The following ASNS variants were observed in gnomAD, a reference collection of about 807,000 sequenced individuals.
ASNS encodes asparagine synthetase [glutamine-hydrolyzing].
In ASNS, 37 loss-of-function variants were observed where a neutral mutation model predicts 62.6. The observed-to-expected ratio is 0.59, with a 90% CI of 0.45 to 0.78. The LOEUF is 0.78. Among genes scored for constraint, ASNS ranks in the 30% least tolerant of loss-of-function variants. The pLI is 0.00. For missense variants in ASNS, 520 were observed against 682.4 expected (o/e 0.76, Z 2.65); for synonymous variants, 207 against 237.9 (o/e 0.87, Z 1.19).
rs751859211 is a variant in ASNS, at chr7:97,852,216, A to G, written c.*43T>C. On this transcript the variant is annotated 3_prime_UTR_variant, in exon 13 of 13. Transcript: ENST00000394308. Reference sequence around the variant, plus strand: ...CCTATCTACCCACAGTCCCCATCCAACACGAAGAAATATTTGCTTTCACAT... The same window carrying G: ...CCTATCTACCCACAGTCCCCATCCAGCACGAAGAAATATTTGCTTTCACAT... 4 of 1,601,728 alleles carry G rather than the reference A, an allele frequency of 2.5e-6. No homozygotes were observed. In the African/African-American group the frequency reaches 5.4e-5, roughly 21 times the overall value.
the ASNS span, among the ~76,000 whole-genome samples, chr7:97,881,081 C>T: frequency 2.9e-3 from 445 of 152,312 alleles, 3 homozygotes; most frequent in African/African-American, 0.01. Context: ...GCTGGGGTTA[C>T]AGGTGTGCAC....
chr7:97,912,013 A>G, the ASNS span, among the ~76,000 whole-genome samples: 2 of 152,192 alleles, frequency 1.3e-5, no homozygotes, highest in Non-Finnish European at 2.9e-5. Flanking sequence ...AAATGCATTC[A>G]TCTCTTGGAG....
rs1189414511 is a variant in ASNS, at chr7:97,872,387, A to AG, written c.-97dup. 1 of 151,174 alleles carries AG rather than the reference A, an allele frequency of 6.6e-6. No homozygotes were observed. The highest frequency in any genetic ancestry group is 1.5e-5 in the Non-Finnish European group (1 of 68,352). The allele number at this position is 151,174 out of a possible 1,614,324, so 9.4% of individuals were successfully genotyped here. ...CAGGTCAGGGTGATGTGGCGGGCTG[A>AG]GGCCAGGGATGTGGACAGCTTGACG... On this transcript the variant is annotated 5_prime_UTR_variant, in exon 1 of 13. Transcript: ENST00000394308.
At position 97,869,250 on chromosome 7, in the gene ASNS, C is replaced by T. The variant is rs564387233; in HGVS notation, c.-23-71G>A. 226 of 1,511,210 alleles carry T rather than the reference C, an allele frequency of 1.5e-4. 1 individual carries two copies. The South Asian group carries it at 2.5e-3, about 17-fold the overall frequency. The allele number at this position is 1,511,210 out of a possible 1,614,324, so 93.6% of individuals were successfully genotyped here. A position where few individuals can be genotyped will look rare whatever the true frequency, so the allele number is the denominator to read the frequency against. ...CCAACTCTGCATTAAATCTTGATTCCGGAAACGTGCATAAACCACTTCAAA... is the reference window on the plus strand; with the variant it reads ...CCAACTCTGCATTAAATCTTGATTCTGGAAACGTGCATAAACCACTTCAAA... On this transcript the variant is annotated intron_variant, in intron 2 of 12. Transcript: ENST00000394308.
rs1791972795 is a variant in ASNS at position 97,866,403 on chromosome 7, A to G, written c.250-1907T>C. Among the ~76,000 whole-genome samples, 5 of 152,170 alleles carry G rather than the reference A, an allele frequency of 3.3e-5. No individual in the cohort carries two copies. The South Asian group carries it at 1.0e-3, about 32-fold the overall frequency. ...ATAGATAAAATGACGGTGGCGCTTT[A>G]TTAGTCTGCATTCCCCAAAAGAACA... On this transcript the variant is annotated intron_variant, in intron 3 of 12. Transcript: ENST00000394308.
the ASNS span, among the ~76,000 whole-genome samples, chr7:97,905,461 C>T: frequency 6.6e-6 from 1 of 152,218 alleles, no homozygotes; most frequent in African/African-American, 2.4e-5. Context: ...CTAGGGTAGA[C>T]TTCACTTCTG....
chr7:97,914,756 GT>G, the ASNS span, among the ~76,000 whole-genome samples: 1 of 152,188 alleles, frequency 6.6e-6, no homozygotes, highest in African/African-American at 2.4e-5. Context: ...TGCACATTAG[GT>G]ATCTCACCTT....
intron 3 of ASNS, 32 bp downstream of exon 3, chr7:97,868,876 C>T (rs779249230): frequency 3.1e-6 from 5 of 1,607,522 alleles, no homozygotes; most frequent in African/African-American, 2.7e-5. Context: ...GAAGTTTAAT[C>T]GCATCCAGAC....
At position 97,868,903 on chromosome 7, in the gene ASNS, C is replaced by T. The variant is rs1385465461; in HGVS notation, c.249+5G>A. ...CATCCAGACATCTGGTTTCTTTCTCCTCACCTTCTTATGGTTGTAGATTTC... is the reference window on the plus strand; with the variant it reads ...CATCCAGACATCTGGTTTCTTTCTCTTCACCTTCTTATGGTTGTAGATTTC... On this transcript the variant is annotated splice_donor_5th_base_variant and intron_variant, in intron 3 of 12. Transcript: ENST00000394308. 6.2e-7 allele frequency: 1 copy of T among 1,612,966 alleles called. No individual in the cohort carries two copies. The highest frequency in any genetic ancestry group is 8.5e-7 in the Non-Finnish European group (1 of 1,179,560).
At chr7:97,874,255 T>G (rs1792392288), upstream of ASNS, among the ~76,000 whole-genome samples, 1 of 152,248 alleles carries the variant, frequency 6.6e-6, no homozygotes, top group Admixed American at 6.5e-5. Flanking sequence ...GGTTCTGTTC[T>G]GCCTGGCTCA....
the ASNS span, among the ~76,000 whole-genome samples, chr7:97,925,420 T>C: frequency 6.6e-6 from 1 of 152,132 alleles, no homozygotes; most frequent in African/African-American, 2.4e-5. Flanking sequence ...ACCACTCCCT[T>C]GCTCCATGAC....
chr7:97,913,446 G>C, the ASNS span, among the ~76,000 whole-genome samples: 1 of 152,070 alleles, frequency 6.6e-6, no homozygotes, highest in Non-Finnish European at 1.5e-5. Flanking sequence ...TGTCACTATT[G>C]GTTAAAACAT....
chr7:97,853,334 A>G lies in ASNS; in HGVS notation c.1291T>C (p.Ser431Pro). Reference sequence around the variant, plus strand: ...GGAATTCTCATTTCTGGTGGCAGAGACAAGTAATAGGAAGAAAATCGATGA... The same window carrying G: ...GGAATTCTCATTTCTGGTGGCAGAGGCAAGTAATAGGAAGAAAATCGATGA... ...LDHRFSSYYL[S>P]LPPEMRIPKN... The change falls in exon 11 of 13, where the codon TCT (serine) becomes CCT (proline). Residue 431 changes from serine to proline, a missense_variant. Coordinates refer to ENST00000394308, the MANE Select transcript of ASNS (RefSeq NM_001673.5). The G allele has an allele frequency of 6.2e-7, 1 of 1,613,690 alleles. No homozygotes were observed. The highest frequency in any genetic ancestry group is 8.5e-7 in the Non-Finnish European group (1 of 1,179,928).
chr7:97,889,041 C>T, the ASNS span, among the ~76,000 whole-genome samples: 1 of 152,200 alleles, frequency 6.6e-6, no homozygotes, highest in African/African-American at 2.4e-5. Context: ...CTGCCAGCAA[C>T]CAAAGGAGCC....
the ASNS span, among the ~76,000 whole-genome samples, chr7:97,882,745 A>G: frequency 6.7e-6 from 1 of 148,546 alleles, no homozygotes. Context: ...ATTTGCATTG[A>G]GTCGTAATGG....
chr7:97,927,628 G>A, the ASNS span, among the ~76,000 whole-genome samples: 1 of 152,396 alleles, frequency 6.6e-6, no homozygotes, highest in Non-Finnish European at 1.5e-5. Context: ...GAGTGAGAGG[G>A]ACTTCACGCA....
At chr7:97,882,697 C>T in the ASNS span, among the ~76,000 whole-genome samples, 9 of 152,002 alleles carry the variant, frequency 5.9e-5, no homozygotes, top group Non-Finnish European at 7.3e-5. Context: ...TTCCCTCCGC[C>T]AAGCAGGGGG....
At chr7:97,916,373 C>A in the ASNS span, among the ~76,000 whole-genome samples, 2 of 152,010 alleles carry the variant, frequency 1.3e-5, no homozygotes, top group Non-Finnish European at 2.9e-5. Context: ...AAAAGTGAAA[C>A]TCCGTCTCAA....
chr7:97,874,431 G>C (rs1432794095), upstream of ASNS, among the ~76,000 whole-genome samples: 1 of 152,030 alleles, frequency 6.6e-6, no homozygotes. Flanking sequence ...CATCCTTCTC[G>C]GCTGACAGGA....
Sources: gnomAD v4.1 joint callset for allele counts (sites outside exome capture counted in the v4.1 genomes callset) on GRCh38, gnomAD v4.1.1 for gene constraint, MANE v1.5 for transcripts, NCBI Gene and HGNC (gene_info 2026-07-23, HGNC 2026-07-21) for gene names.